The following LINGO2 variants were observed in gnomAD, a reference collection of about 807,000 sequenced individuals.
LINGO2 encodes leucine rich repeat and Ig domain containing 2.
Under a neutral mutation model 30.6 loss-of-function variants are expected in LINGO2, and 14 were observed. That is an observed-to-expected ratio of 0.46 (90% CI 0.30 to 0.72). LINGO2 has a LOEUF of 0.72. Ranked by LOEUF, LINGO2 falls within the 30% of genes least tolerant of loss-of-function variation. The probability of loss-of-function intolerance (pLI) is 0.07; values close to 1 mark genes in which losing one functional copy is unlikely to be tolerated. For missense variants in LINGO2, 729 were observed against 751.7 expected (o/e 0.97, Z 0.35); for synonymous variants, 317 against 288.5 (o/e 1.10, Z -1.00).
intron 5 of LINGO2, among the ~76,000 whole-genome samples, chr9:27,959,992 T>C (rs951021529): frequency 3.3e-5 from 5 of 152,168 alleles, no homozygotes; most frequent in African/African-American, 1.2e-4. Flanking sequence ...AAATCATTTA[T>C]CATTAGGAAG....
intron 4 of LINGO2, among the ~76,000 whole-genome samples, chr9:28,213,353 C>T (rs1168191934): frequency 6.6e-6 from 1 of 151,222 alleles, no homozygotes; most frequent in Non-Finnish European, 1.5e-5. Flanking sequence ...ATGTATTGAG[C>T]CAATCTTCAG....
At chr9:28,807,368 G>A in the LINGO2 span, among the ~76,000 whole-genome samples, 1 of 152,094 alleles carries the variant, frequency 6.6e-6, no homozygotes, top group Non-Finnish European at 1.5e-5. Flanking sequence ...AAGTTTACCT[G>A]ACTCAGAGAA....
At chr9:28,107,150 A>C in intron 4 of LINGO2, among the ~76,000 whole-genome samples, 1 of 152,050 alleles carries the variant, frequency 6.6e-6, no homozygotes, top group East Asian at 1.9e-4. Flanking sequence ...AGCACTACAC[A>C]ACTCTCTTGC....
the LINGO2 span, among the ~76,000 whole-genome samples, chr9:29,203,378 C>T: frequency 2.6e-5 from 4 of 152,302 alleles, no homozygotes; most frequent in East Asian, 7.7e-4. Flanking sequence ...GTATCTAAGG[C>T]ATGGGTAAAT....
the LINGO2 span, among the ~76,000 whole-genome samples, chr9:28,692,200 C>A: frequency 1.6e-4 from 24 of 152,142 alleles, no homozygotes; most frequent in African/African-American, 5.6e-4. Context: ...TTCGGCCGGG[C>A]ATGGTGGCTC....
chr9:28,037,884 C>T (rs1824012924), intron 4 of LINGO2, among the ~76,000 whole-genome samples: 1 of 152,150 alleles, frequency 6.6e-6, no homozygotes, highest in Non-Finnish European at 1.5e-5. Context: ...TAGTCCTTTA[C>T]CTGAAGTAAC....
At chr9:28,862,589 G>A in the LINGO2 span, among the ~76,000 whole-genome samples, 1 of 151,928 alleles carries the variant, frequency 6.6e-6, no homozygotes, top group African/African-American at 2.4e-5. Context: ...AAACATAACA[G>A]GACAAAATAA....
At chr9:29,171,296 A>G in the LINGO2 span, among the ~76,000 whole-genome samples, 1 of 152,110 alleles carries the variant, frequency 6.6e-6, no homozygotes, top group African/African-American at 2.4e-5. Context: ...TGTTTTCTGG[A>G]ACATGAAGAG....
At chr9:29,066,784 G>A in the LINGO2 span, among the ~76,000 whole-genome samples, 1 of 151,846 alleles carries the variant, frequency 6.6e-6, no homozygotes, top group Non-Finnish European at 1.5e-5. Flanking sequence ...TATGATCATT[G>A]TCTTAATATG....
chr9:28,687,755 T>G, the LINGO2 span, among the ~76,000 whole-genome samples: 9 of 152,160 alleles, frequency 5.9e-5, no homozygotes, highest in Non-Finnish European at 8.8e-5. Flanking sequence ...GGTGATTTTT[T>G]TTTGTTTATT....
At chr9:29,168,263 A>C in the LINGO2 span, among the ~76,000 whole-genome samples, 1 of 141,318 alleles carries the variant, frequency 7.1e-6, no homozygotes. Context: ...CTAATATAAG[A>C]AAAAAAAAAC....
chr9:28,313,312 C>T (rs1824705276), intron 3 of LINGO2, among the ~76,000 whole-genome samples: 5 of 152,266 alleles, frequency 3.3e-5, no homozygotes, highest in Admixed American at 3.3e-4. Flanking sequence ...GGCTCCTGCT[C>T]ACACATTCAA....
At chr9:27,984,919 A>G (rs1295843270) in intron 5 of LINGO2, among the ~76,000 whole-genome samples, 3 of 151,932 alleles carry the variant, frequency 2.0e-5, no homozygotes, top group Admixed American at 6.6e-5. Flanking sequence ...TATTTTAGGC[A>G]GGAAAAGGAA....
At position 28,130,096 on chromosome 9, in the gene LINGO2, G is replaced by A. The variant is rs914217956; in HGVS notation, c.-86-117691C>T. 6.6e-6 allele frequency among the ~76,000 whole-genome samples: 1 copy of A among 152,134 alleles called. No homozygotes were observed. Among genetic ancestry groups the A allele is most frequent in the Admixed American group, 6.5e-5 (1 of 15,280 alleles). On this transcript the variant is annotated intron_variant, in intron 4 of 5. Coordinates refer to ENST00000379992, the Ensembl canonical transcript of LINGO2. This position sits in a 1 kb window ranked among gnomAD's most constrained non-coding sequence, Gnocchi z 5.2. Reference sequence around the variant, plus strand: ...GTTATTGATCTTCAGGTAAACTCTTGGGGATTTTGTCAATTCTGACATTGA... The same window carrying A: ...GTTATTGATCTTCAGGTAAACTCTTAGGGATTTTGTCAATTCTGACATTGA...
chr9:28,233,061 T>TATAAAA (rs60875467), intron 4 of LINGO2, among the ~76,000 whole-genome samples: 1 of 118,830 alleles, frequency 8.4e-6, no homozygotes, highest in African/African-American at 3.6e-5. Context: ...TATATATATA[T>TATAAAA]TAGATATATA....
At chr9:28,777,789 C>T in the LINGO2 span, among the ~76,000 whole-genome samples, 3 of 152,142 alleles carry the variant, frequency 2.0e-5, no homozygotes, top group Non-Finnish European at 4.4e-5. Context: ...AAGTCCTGGC[C>T]ATAACTATGC....
At chr9:28,108,120 T>G (rs1826653318) in intron 4 of LINGO2, among the ~76,000 whole-genome samples, 2 of 152,132 alleles carry the variant, frequency 1.3e-5, no homozygotes, top group Non-Finnish European at 2.9e-5. Context: ...TCTTAGAGCT[T>G]TCCCTGAATG....
intron 2 of LINGO2, among the ~76,000 whole-genome samples, chr9:28,453,427 G>T (rs1278950931): frequency 6.6e-6 from 1 of 151,800 alleles, no homozygotes; most frequent in Admixed American, 6.6e-5. Context: ...CAACTTTCTG[G>T]TCTATTTGTT....
chr9:28,594,311 C>G (rs774190925), intron 1 of LINGO2, among the ~76,000 whole-genome samples: 1 of 152,060 alleles, frequency 6.6e-6, no homozygotes, highest in African/African-American at 2.4e-5. Flanking sequence ...CTAAAGTATA[C>G]AGCTTAGATT....
Sources: gnomAD v4.1 joint callset for allele counts (sites outside exome capture counted in the v4.1 genomes callset) on GRCh38, gnomAD v4.1.1 for gene constraint, Gnocchi (gnomAD v3.1) non-coding constraint, MANE v1.5 for transcripts, NCBI Gene and HGNC (gene_info 2026-07-23, HGNC 2026-07-21) for gene names.